The following HPSE2 variants were observed in gnomAD, a reference collection of about 807,000 sequenced individuals.
HPSE2 encodes heparanase 2 (inactive).
HPSE2 carries 38 observed loss-of-function variants against 60.5 expected under a neutral mutation model. The ratio of observed to expected loss-of-function variants is 0.63; its 90% confidence interval spans 0.48 to 0.82. The LOEUF is 0.82. Ranked by LOEUF, HPSE2 falls within the 40% of genes least tolerant of loss-of-function variation. The probability of loss-of-function intolerance (pLI) is 0.00; values close to 1 mark genes in which losing one functional copy is unlikely to be tolerated. For missense variants in HPSE2, 713 were observed against 740.4 expected (o/e 0.96, Z 0.43); for synonymous variants, 295 against 293.2 (o/e 1.01, Z -0.06).
intron 3 of HPSE2, among the ~76,000 whole-genome samples, chr10:98,749,454 C>T (rs1223772616): frequency 2.0e-5 from 3 of 150,474 alleles, no homozygotes; most frequent in African/African-American, 7.3e-5. Context: ...TACATATATG[C>T]ATGCATATAT....
intron 11 of HPSE2, among the ~76,000 whole-genome samples, 189 bp from the exon 12 acceptor site, chr10:98,459,928 C>T (rs1940212586): frequency 2.9e-5 from 1 of 34,650 alleles, no homozygotes; most frequent in African/African-American, 1.6e-4. Flanking sequence ...TCCCAACAAC[C>T]CCCCCACTCC....
At position 98,614,973 on chromosome 10, in the gene HPSE2, G is replaced by T. The variant is rs1183638050; in HGVS notation, c.1251C>A (p.Val417=). Residue 417 remains valine (V), a synonymous_variant, in exon 9 of 12, where the codon GTC becomes GTA. Coordinates refer to ENST00000370552, the MANE Select transcript of HPSE2 (RefSeq NM_021828.5). ...LGMLANQGID[V]VIRHSFFDHG... is the part of the protein sequence containing the mutation. ...GGTCAAAAAATGAGTGCCGTATCACGACATCAATGCCCTGATTGGCCAGCA... is the reference window on the plus strand; with the variant it reads ...GGTCAAAAAATGAGTGCCGTATCACTACATCAATGCCCTGATTGGCCAGCA... 2 of 1,613,890 alleles carry T rather than the reference G, an allele frequency of 1.2e-6. No individual in the cohort carries two copies. Among genetic ancestry groups the T allele is most frequent in the African/African-American group, 2.7e-5 (2 of 74,904 alleles).
At chr10:98,730,399 T>A (rs1949197745) in intron 4 of HPSE2, among the ~76,000 whole-genome samples, 1 of 151,968 alleles carries the variant, frequency 6.6e-6, no homozygotes, top group Non-Finnish European at 1.5e-5. Flanking sequence ...ATCAATAACC[T>A]AAGTTTCCTC....
At chr10:99,160,013 T>C (rs1419653374) in intron 2 of HPSE2, among the ~76,000 whole-genome samples, 1 of 151,740 alleles carries the variant, frequency 6.6e-6, no homozygotes, top group African/African-American at 2.4e-5. Context: ...TGGTGGCACA[T>C]GCCTTTAATC....
intron 2 of HPSE2, among the ~76,000 whole-genome samples, chr10:99,160,788 A>ACT (rs1846801738): frequency 6.8e-6 from 1 of 146,576 alleles, no homozygotes; most frequent in South Asian, 2.2e-4. Context: ...AGTCCCAGCT[A>ACT]CTTGGGAGGC....
chr10:98,746,936 T>C (rs1327096461), intron 3 of HPSE2, among the ~76,000 whole-genome samples: 1 of 151,890 alleles, frequency 6.6e-6, no homozygotes, highest in African/African-American at 2.4e-5. Flanking sequence ...AAAATATAAC[T>C]CTCTATTTAA....
intron 3 of HPSE2, among the ~76,000 whole-genome samples, chr10:99,117,017 C>T (rs781322973): frequency 9.3e-5 from 14 of 150,996 alleles, no homozygotes; most frequent in Admixed American, 3.3e-4. Flanking sequence ...AGAAAGAAAG[C>T]GAAAAGAAAA....
chr10:99,277,347 T>C, the HPSE2 span, among the ~76,000 whole-genome samples: 3 of 152,252 alleles, frequency 2.0e-5, no homozygotes, highest in Non-Finnish European at 4.4e-5. Context: ...TGTTTTGCTG[T>C]GGACAGCAGA....
At chr10:98,755,155 C>T (rs1949850039) in intron 3 of HPSE2, among the ~76,000 whole-genome samples, 1 of 151,930 alleles carries the variant, frequency 6.6e-6, no homozygotes, top group Admixed American at 6.6e-5. Flanking sequence ...GATTCATAAG[C>T]TCAAAGTAAA....
chr10:99,295,582 G>A, the HPSE2 span, among the ~76,000 whole-genome samples: 4 of 151,976 alleles, frequency 2.6e-5, no homozygotes, highest in Admixed American at 2.6e-4. Flanking sequence ...TTGTAATACT[G>A]TATTTAACTT....
intron 3 of HPSE2, among the ~76,000 whole-genome samples, chr10:99,128,823 T>C (rs1299569250): frequency 6.6e-6 from 1 of 152,140 alleles, no homozygotes; most frequent in Non-Finnish European, 1.5e-5. Flanking sequence ...CCTGCACATG[T>C]ATCCCAGAAC....
chr10:98,551,782 T>C (rs544355252), intron 9 of HPSE2, among the ~76,000 whole-genome samples: 2 of 152,232 alleles, frequency 1.3e-5, no homozygotes, highest in Non-Finnish European at 2.9e-5. Context: ...AGTTGGTTAC[T>C]GTTGCTTACA....
At chr10:98,977,434 G>A (rs1956109836) in intron 3 of HPSE2, among the ~76,000 whole-genome samples, 1 of 152,144 alleles carries the variant, frequency 6.6e-6, no homozygotes, top group Non-Finnish European at 1.5e-5. Flanking sequence ...GCAATAAGGT[G>A]GGCAACCAGG....
At chr10:99,002,795 C>G in intron 3 of HPSE2, among the ~76,000 whole-genome samples, 1 of 151,876 alleles carries the variant, frequency 6.6e-6, no homozygotes, top group East Asian at 1.9e-4. Flanking sequence ...TTACAAAATA[C>G]GTATACAAAA....
chr10:98,559,886 CA>C (rs1944122091), intron 9 of HPSE2, among the ~76,000 whole-genome samples: 1 of 152,062 alleles, frequency 6.6e-6, no homozygotes, highest in Admixed American at 6.5e-5. Flanking sequence ...TTTAGATTTG[CA>C]GAGAGTAAAG....
chr10:98,467,238 A>T (rs1466642189), intron 11 of HPSE2, among the ~76,000 whole-genome samples: 3 of 152,056 alleles, frequency 2.0e-5, no homozygotes, highest in African/African-American at 7.3e-5. Context: ...CAGTCTCTCC[A>T]CTAGATTGGA....
At chr10:98,696,968 A>G (rs775657475) in intron 5 of HPSE2, among the ~76,000 whole-genome samples, 1 of 152,202 alleles carries the variant, frequency 6.6e-6, no homozygotes, top group African/African-American at 2.4e-5. Flanking sequence ...CAACAAAAAA[A>G]TGTCCCACAA....
chr10:98,851,362 C>T (rs1952170270), intron 3 of HPSE2, among the ~76,000 whole-genome samples: 1 of 146,968 alleles, frequency 6.8e-6, no homozygotes, highest in Non-Finnish European at 1.5e-5. Flanking sequence ...TCTCACTTAT[C>T]CTTAACCTCT....
chr10:98,913,764 C>T (rs1283826646), intron 3 of HPSE2, among the ~76,000 whole-genome samples: 1 of 152,142 alleles, frequency 6.6e-6, no homozygotes, highest in East Asian at 1.9e-4. Context: ...AAAGCTCTCA[C>T]TGAGATCATC....
Sources: allele counts gnomAD v4.1 joint callset (sites outside exome capture counted in the v4.1 genomes callset), GRCh38; gene constraint gnomAD v4.1.1; transcripts MANE v1.5; gene names NCBI Gene and HGNC (gene_info 2026-07-23, HGNC 2026-07-21).